Variants in ODF2L observed in about 807,000 individuals in gnomAD.
ODF2L encodes protein BCAP.
ODF2L carries 76 observed loss-of-function variants against 86.3 expected under a neutral mutation model. The ratio of observed to expected loss-of-function variants is 0.88; its 90% confidence interval spans 0.73 to 1.07. The LOEUF (loss-of-function observed/expected upper bound fraction) is 1.07. ODF2L is among the 50% of genes least tolerant of loss of function. The probability of loss-of-function intolerance (pLI) is 0.00; values close to 1 mark genes in which losing one functional copy is unlikely to be tolerated. For synonymous variants in ODF2L, 241 were observed against 231.3 expected (o/e 1.04, Z -0.38); for missense variants, 748 against 717.4 (o/e 1.04, Z -0.49).
At chr1:86,373,923 C>G (rs1434624081) in intron 8 of ODF2L, among the ~76,000 whole-genome samples, 7 of 152,164 alleles carry the variant, frequency 4.6e-5, no homozygotes, top group African/African-American at 1.4e-4. Flanking sequence ...TTTCTAGGGC[C>G]TTGATAGTGC....
intron 16 of ODF2L, among the ~76,000 whole-genome samples, chr1:86,353,226 G>A (rs1425431744): frequency 6.6e-6 from 1 of 152,092 alleles, no homozygotes; most frequent in African/African-American, 2.4e-5. Flanking sequence ...TCACTGCTCC[G>A]TGACTTAGGT....
intron 17 of ODF2L, chr1:86,352,302 T>C (rs906442810): frequency 8.2e-6 from 11 of 1,347,046 alleles, no homozygotes; most frequent in Middle Eastern, 2.1e-4. Context: ...TTTCAGAATA[T>C]TCTATGCCAA....
chr1:86,371,111 G>C (rs752333831), exon 10 of ODF2L: 2 of 1,545,494 alleles, frequency 1.3e-6, no homozygotes, highest in Admixed American at 3.6e-5. Context: ...TTTTTCCATG[G>C]TCTTCCATTT....
chr1:86,359,510 T>C (rs1472411419), intron 12 of ODF2L, among the ~76,000 whole-genome samples: 1 of 148,012 alleles, frequency 6.8e-6, no homozygotes, highest in Non-Finnish European at 1.5e-5. Flanking sequence ...CTTTCATCCT[T>C]AGTTCATTCT....
intron 16 of ODF2L, among the ~76,000 whole-genome samples, chr1:86,353,740 T>C (rs1383653410): frequency 2.0e-5 from 3 of 152,162 alleles, no homozygotes; most frequent in African/African-American, 7.2e-5. Flanking sequence ...AGCACAATTA[T>C]GCATGAGAGA....
At chr1:86,378,569 C>T (rs1045422835) in intron 7 of ODF2L, among the ~76,000 whole-genome samples, 4 of 152,162 alleles carry the variant, frequency 2.6e-5, no homozygotes, top group African/African-American at 9.7e-5. Flanking sequence ...TTAATTGACT[C>T]ACAGTTCCAC....
intron 1 of ODF2L, among the ~76,000 whole-genome samples, chr1:86,388,034 T>G (rs1036738362): frequency 6.6e-6 from 1 of 152,066 alleles, no homozygotes; most frequent in Non-Finnish European, 1.5e-5. Flanking sequence ...AATGTATATA[T>G]TTTATCTGAA....
intron 7 of ODF2L, among the ~76,000 whole-genome samples, chr1:86,377,784 G>A (rs1197581198): frequency 1.3e-5 from 2 of 152,196 alleles, no homozygotes; most frequent in East Asian, 3.8e-4. Flanking sequence ...CAAGGCTCTG[G>A]GCCCAGCCCA....
chr1:86,380,367 T>C (rs1295759941), intron 7 of ODF2L, among the ~76,000 whole-genome samples: 1 of 152,042 alleles, frequency 6.6e-6, no homozygotes, highest in African/African-American at 2.4e-5. Flanking sequence ...CCATAAAACA[T>C]AAGTAGCTGG....
Position 86,386,535 on chromosome 1 carries a change from G to A in ODF2L, c.113+380C>T, listed in dbSNP as rs150080256. On this transcript the variant is annotated intron_variant, in intron 2 of 17. Transcript: ENST00000317336. ...CAAGTAGCTGGGACAACAGGCACAC[G>A]CTACCACATCTGGCTAATTTTTGCA... 476 of 163,104 alleles carry A rather than the reference G, an allele frequency of 2.9e-3. 2 individuals are homozygous for A. The East Asian group carries it at 0.036, about 12-fold the overall frequency. The allele number at this position is 163,104 out of a possible 1,614,324, so 10.1% of individuals were successfully genotyped here. A position where few individuals can be genotyped will look rare whatever the true frequency, so the allele number is the denominator to read the frequency against.
At chr1:86,386,986 G>C (rs780726719) in exon 2 of ODF2L, 4 of 1,588,088 alleles carry the variant, frequency 2.5e-6, no homozygotes, top group Non-Finnish European at 3.4e-6. Context: ...GATGGCAAAA[G>C]AGTTCTTCTG....
chr1:86,356,506 G>A, exon 14 of ODF2L: 2 of 1,613,996 alleles, frequency 1.2e-6, no homozygotes, highest in Non-Finnish European at 1.7e-6. Context: ...CAGCACTGCA[G>A]ACTCTCCTGA....
intron 1 of ODF2L, 144 bp from the exon 2 acceptor site, chr1:86,387,230 A>G (rs750134797): frequency 2.9e-5 from 12 of 413,652 alleles, no homozygotes; most frequent in Admixed American, 8.9e-5. Flanking sequence ...TCATTGTTAT[A>G]GTACTTCAAA....
At chr1:86,372,595 T>C in intron 8 of ODF2L, 55 bp from the exon 9 acceptor site, 1 of 933,726 alleles carries the variant, frequency 1.1e-6, no homozygotes, top group Non-Finnish European at 1.5e-6. Flanking sequence ...TTTGTTTTGT[T>C]CAGATCTCTA....
At chr1:86,351,887 T>C (rs1658162488) in exon 18 of ODF2L, 8 of 1,074,986 alleles carry the variant, frequency 7.4e-6, no homozygotes, top group Non-Finnish European at 9.0e-6. Context: ...TTACTAGCTT[T>C]AGCCAAGTAC....
chr1:86,372,800 TA>T (rs1316628893), intron 8 of ODF2L, among the ~76,000 whole-genome samples: 1 of 152,122 alleles, frequency 6.6e-6, no homozygotes, highest in Non-Finnish European at 1.5e-5. Context: ...ACTCAGCCAT[TA>T]AAAGGAACAT....
intron 11 of ODF2L, among the ~76,000 whole-genome samples, chr1:86,361,265 T>C (rs1030981326): frequency 2.0e-4 from 30 of 152,306 alleles, no homozygotes; most frequent in African/African-American, 7.2e-4. Context: ...AGCATTTGTA[T>C]CAGTTTGCTG....
intron 13 of ODF2L, chr1:86,357,932 A>G (rs1658712817): frequency 1.0e-6 from 1 of 985,244 alleles, no homozygotes; most frequent in Non-Finnish European, 1.2e-6. Context: ...AGAAAATGAG[A>G]CCAAAAGACA....
intron 11 of ODF2L, among the ~76,000 whole-genome samples, chr1:86,365,793 C>T (rs1659365696): frequency 6.6e-6 from 1 of 152,114 alleles, no homozygotes; most frequent in African/African-American, 2.4e-5. Context: ...TCTAGAGAGG[C>T]ACAGGGCTAA....
Sources: gnomAD v4.1 joint callset for allele counts (sites outside exome capture counted in the v4.1 genomes callset) on GRCh38, gnomAD v4.1.1 for gene constraint, MANE v1.5 for transcripts, NCBI Gene and HGNC (gene_info 2026-07-23, HGNC 2026-07-21) for gene names.